The following ITPR1 variants were observed in gnomAD, a reference collection of about 807,000 sequenced individuals.
ITPR1 encodes inositol 1,4,5-trisphosphate-gated calcium channel ITPR1.
A neutral mutation model predicts 318.4 loss-of-function variants in ITPR1; 96 were observed. That is an observed-to-expected ratio of 0.30 (90% CI 0.26 to 0.36). The LOEUF (loss-of-function observed/expected upper bound fraction) is 0.36, where lower values mean the gene tolerates loss of function less well. ITPR1 is among the 10% of genes least tolerant of loss of function. The probability of loss-of-function intolerance (pLI) is 1.00; values close to 1 mark genes in which losing one functional copy is unlikely to be tolerated. For synonymous variants in ITPR1, 1,312 were observed against 1,289.9 expected (o/e 1.02, Z -0.37); for missense variants, 2,440 against 3,460.2 (o/e 0.71, Z 7.40).
chr3:4,665,971 T>C (rs901321660), intron 17 of ITPR1, among the ~76,000 whole-genome samples: 4 of 152,200 alleles, frequency 2.6e-5, no homozygotes, highest in Non-Finnish European at 2.9e-5. Context: ...TATAACTTCA[T>C]GGTGCTGCTG....
chr3:4,774,738 G>C (rs529278368), intron 46 of ITPR1, among the ~76,000 whole-genome samples: 115 of 152,310 alleles, frequency 7.6e-4, no homozygotes, highest in African/African-American at 2.7e-3. Context: ...GGCCAAACAA[G>C]TAATCCAGGC....
At position 4,710,435 on chromosome 3, in the gene ITPR1, C is replaced by G; in HGVS notation, c.4953C>G (p.Asp1651Glu). 4 of 1,554,238 alleles carry G rather than the reference C, an allele frequency of 2.6e-6. No individual in the cohort carries two copies. The highest frequency in any genetic ancestry group is 3.5e-6 in the Non-Finnish European group (4 of 1,148,166). ...RPELLFPENT[D>E]ARRKCESGGF... ...AGCTGCTTTTCCCAGAGAACACAGA[C>G]GCCAGAAGGAAATGTGAAAGTGGCG... is the stretch of plus-strand genomic sequence containing the variant. The change falls in exon 38 of 62, where the codon GAC becomes GAG. Residue 1651 changes from aspartate to glutamate, a missense_variant. Asp to Glu is a conservative substitution (Grantham distance 45). Transcript: ENST00000649015. The surrounding 1 kb of genome is among the most constrained non-coding windows in gnomAD (Gnocchi z 4.2).
intron 4 of ITPR1, among the ~76,000 whole-genome samples, chr3:4,524,997 C>G (rs1232273139): frequency 1.6e-4 from 25 of 152,122 alleles, no homozygotes; most frequent in Non-Finnish European, 5.9e-5. Context: ...AAGCCTTATT[C>G]TTTTCTTTGT....
intron 41 of ITPR1, among the ~76,000 whole-genome samples, chr3:4,726,664 G>C (rs1030477126): frequency 1.3e-5 from 2 of 152,154 alleles, no homozygotes; most frequent in African/African-American, 4.8e-5. Flanking sequence ...TACAAGACTT[G>C]TGTACTTGTG....
At chr3:4,844,838 A>AG (rs1407677943) in intron 61 of ITPR1, among the ~76,000 whole-genome samples, 1 of 152,252 alleles carries the variant, frequency 6.6e-6, no homozygotes, top group East Asian at 1.9e-4. Flanking sequence ...GCATCTCCAC[A>AG]GGAGCCTAAA....
Position 4,660,972 on chromosome 3 carries a change from C to A in ITPR1, c.1152-16C>A. The A allele has an allele frequency of 1.4e-6, 2 of 1,422,758 alleles. No individual in the cohort carries two copies. Among genetic ancestry groups the A allele is most frequent in the Non-Finnish European group, 9.8e-7 (1 of 1,019,414 alleles). The allele number at this position is 1,422,758 out of a possible 1,614,324, so 88.1% of individuals were successfully genotyped here. ...CAATATTTATTTCCCTAAAACCCTC[C>A]TTTTTTCCCTGTTAGGAACTCTTAT... On this transcript the variant is annotated splice_polypyrimidine_tract_variant and intron_variant, in intron 13 of 61. Transcript: ENST00000649015.
Position 4,675,315 on chromosome 3 carries a change from A to G in ITPR1, c.2779+67A>G. ...CAGCCTTTCCTGTTATGCTCATGTC[A>G]TACCCTATATGTGATGCCACATCCT... On this transcript the variant is annotated intron_variant, in intron 23 of 61. Transcript: ENST00000649015. 1.8e-6 allele frequency: 2 copies of G among 1,134,830 alleles called. 1 individual carries two copies. The highest frequency in any genetic ancestry group is 4.6e-5 in the Admixed American group (2 of 43,504). The allele number at this position is 1,134,830 out of a possible 1,614,324, so 70.3% of individuals were successfully genotyped here. A position where few individuals can be genotyped will look rare whatever the true frequency, so the allele number is the denominator to read the frequency against.
At chr3:4,524,986 T>G (rs1210699304) in intron 4 of ITPR1, among the ~76,000 whole-genome samples, 1 of 152,234 alleles carries the variant, frequency 6.6e-6, no homozygotes, top group African/African-American at 2.4e-5. Context: ...GTTAAGAGTT[T>G]AAGCCTTATT....
rs2306876 is a variant in ITPR1 at position 4,671,026 on chromosome 3, A to T, written c.2204+100A>T. On this transcript the variant is annotated intron_variant, in intron 20 of 61. Transcript: ENST00000649015. Reference sequence around the variant, plus strand: ...TTGATTACTTCAAGGAATCACAAGGAGTCATCTTGTAAGATTGTCTAGAAA... The same window carrying T: ...TTGATTACTTCAAGGAATCACAAGGTGTCATCTTGTAAGATTGTCTAGAAA... 0.66 allele frequency: 540,347 copies of T among 823,672 alleles called. 180,401 individuals carry two copies. The highest frequency in any genetic ancestry group is 0.7 in the Admixed American group (22,072 of 31,504). The allele number at this position is 823,672 out of a possible 1,614,324, so 51.0% of individuals were successfully genotyped here.
chr3:4,694,961 C>G (rs753750504), intron 33 of ITPR1, among the ~76,000 whole-genome samples: 4 of 152,148 alleles, frequency 2.6e-5, no homozygotes, highest in Non-Finnish European at 4.4e-5. Context: ...ATATACTTTA[C>G]TTCCCCACCC....
At chr3:4,579,018 TCCAGGC>T (rs1402161455) in intron 4 of ITPR1, among the ~76,000 whole-genome samples, 8 of 152,308 alleles carry the variant, frequency 5.3e-5, no homozygotes, top group African/African-American at 1.7e-4. Flanking sequence ...TGATTTTGCT[TCCAGGC>T]GAGGCTGTTG....
intron 2 of ITPR1, among the ~76,000 whole-genome samples, chr3:4,504,814 C>A (rs991487917): frequency 6.6e-6 from 1 of 152,202 alleles, no homozygotes; most frequent in African/African-American, 2.4e-5. Context: ...TAGGTTTTCT[C>A]TACCTCGTAT....
chr3:4,712,018 C>T (rs2041408540), intron 39 of ITPR1, 150 bp downstream of exon 39: 1 of 522,464 alleles, frequency 1.9e-6, no homozygotes. Context: ...GCTGTTTATC[C>T]TGCCGTTAAA....
At chr3:4,664,816 T>G (rs1291334153) in intron 16 of ITPR1, among the ~76,000 whole-genome samples, 1 of 152,264 alleles carries the variant, frequency 6.6e-6, no homozygotes, top group Non-Finnish European at 1.5e-5. Flanking sequence ...TTACTTTGAC[T>G]GTAATCTGTA....
intron 4 of ITPR1, among the ~76,000 whole-genome samples, chr3:4,552,186 C>A (rs1467601358): frequency 2.0e-5 from 3 of 152,218 alleles, no homozygotes; most frequent in African/African-American, 2.4e-5. Context: ...GGGAAATTCT[C>A]CCCATCACCA....
At chr3:4,610,285 C>T (rs555812212) in intron 4 of ITPR1, among the ~76,000 whole-genome samples, 1 of 152,228 alleles carries the variant, frequency 6.6e-6, no homozygotes, top group South Asian at 2.1e-4. Flanking sequence ...GTTGGTTCCT[C>T]CCTCTCCCTG....
chr3:4,838,351 G>A (rs930017575), intron 61 of ITPR1, among the ~76,000 whole-genome samples: 3 of 149,926 alleles, frequency 2.0e-5, no homozygotes, highest in South Asian at 2.1e-4. Context: ...GCCCCCCGCC[G>A]TGAAACATTT....
At chr3:4,713,166 A>G (rs2041509669) in intron 39 of ITPR1, among the ~76,000 whole-genome samples, 1 of 152,180 alleles carries the variant, frequency 6.6e-6, no homozygotes, top group African/African-American at 2.4e-5. Flanking sequence ...ATTTCACAAG[A>G]TCTTCATTTC....
intron 61 of ITPR1, among the ~76,000 whole-genome samples, chr3:4,841,690 G>A (rs182922025): frequency 5.0e-4 from 76 of 152,272 alleles, no homozygotes; most frequent in Non-Finnish European, 6.6e-4. Context: ...TCTGATCTTC[G>A]GGAGAGGATT....
Sources: gnomAD v4.1 joint callset for allele counts (sites outside exome capture counted in the v4.1 genomes callset) on GRCh38, gnomAD v4.1.1 for gene constraint, Gnocchi (gnomAD v3.1) non-coding constraint, MANE v1.5 for transcripts, NCBI Gene and HGNC (gene_info 2026-07-23, HGNC 2026-07-21) for gene names.